The following ERBIN variants were observed in gnomAD, a reference collection of about 807,000 sequenced individuals.
ERBIN encodes the protein densin-180-like protein.
A neutral mutation model predicts 158.4 loss-of-function variants in ERBIN; 60 were observed. That is an observed-to-expected ratio of 0.38 (90% CI 0.31 to 0.47). The LOEUF is 0.47. Among genes scored for constraint, ERBIN ranks in the 20% least tolerant of loss-of-function variants. ERBIN has a pLI of 0.99. For missense variants in ERBIN, 1,610 were observed against 1,648.0 expected, an observed-to-expected ratio of 0.98 and a Z score of 0.40; for synonymous variants, 594 against 557.2, an observed-to-expected ratio of 1.07 and a Z score of -0.93.
intron 21 of ERBIN, chr5:66,068,882 G>C (rs1483183986): frequency 6.5e-7 from 1 of 1,531,902 alleles, no homozygotes; most frequent in East Asian, 2.4e-5. Flanking sequence ...TTCAGAGCAT[G>C]CTGTCAAGGT....
chr5:65,974,320 T>C (rs773480646), intron 1 of ERBIN, among the ~76,000 whole-genome samples: 1 of 152,234 alleles, frequency 6.6e-6, no homozygotes, highest in Non-Finnish European at 1.5e-5. Flanking sequence ...TATTAAACTT[T>C]GCGTCTAAGA....
At chr5:65,957,062 G>A (rs1294904630) in intron 1 of ERBIN, among the ~76,000 whole-genome samples, 2 of 151,970 alleles carry the variant, frequency 1.3e-5, no homozygotes, top group South Asian at 2.1e-4. Flanking sequence ...CACTACTAAG[G>A]TATATTTATT....
At chr5:66,062,836 C>T (rs1219477206) in intron 21 of ERBIN, among the ~76,000 whole-genome samples, 1 of 152,218 alleles carries the variant, frequency 6.6e-6, no homozygotes, top group African/African-American at 2.4e-5. Context: ...GTATCAGCAG[C>T]ACTGGCTGCA....
intron 1 of ERBIN, among the ~76,000 whole-genome samples, chr5:65,934,000 A>C (rs1411329351): frequency 6.6e-6 from 1 of 152,002 alleles, no homozygotes; most frequent in African/African-American, 2.4e-5. Context: ...GATTCACGCC[A>C]GTTCTCCTGC....
intron 1 of ERBIN, among the ~76,000 whole-genome samples, chr5:65,988,225 T>C (rs1561337183): frequency 6.6e-6 from 1 of 152,168 alleles, no homozygotes; most frequent in Non-Finnish European, 1.5e-5. Flanking sequence ...TTTTTAAAAT[T>C]AGCTGCGTAT....
At chr5:66,060,337 T>A (rs13435936) in intron 21 of ERBIN, among the ~76,000 whole-genome samples, 8,797 of 152,140 alleles carry the variant, frequency 0.058, 886 homozygotes, top group African/African-American at 0.2. Flanking sequence ...AGAGGTGTTT[T>A]TAGTTTTCTC....
At chr5:66,013,887 T>TA (rs1754452832) in intron 6 of ERBIN, among the ~76,000 whole-genome samples, 1 of 152,172 alleles carries the variant, frequency 6.6e-6, no homozygotes. Context: ...TCAATGGGGT[T>TA]AATTTCTGTA....
intron 1 of ERBIN, among the ~76,000 whole-genome samples, chr5:65,972,418 A>G (rs908998253): frequency 2.6e-5 from 4 of 151,448 alleles, no homozygotes; most frequent in Admixed American, 6.5e-5. Context: ...ACCTTTGATT[A>G]TATTTCAACA....
intron 1 of ERBIN, among the ~76,000 whole-genome samples, chr5:65,983,115 A>G (rs907531914): frequency 1.3e-5 from 2 of 152,244 alleles, no homozygotes. Context: ...CTACCACTTA[A>G]TTGCACAGTA....
chr5:66,059,025 T>A (rs927313265), intron 21 of ERBIN, among the ~76,000 whole-genome samples: 1 of 152,188 alleles, frequency 6.6e-6, no homozygotes, highest in African/African-American at 2.4e-5. Flanking sequence ...TGCAGGCTCT[T>A]TTTTGGTTCC....
intron 7 of ERBIN, among the ~76,000 whole-genome samples, chr5:66,018,228 A>G (rs1755004076): frequency 6.6e-6 from 1 of 150,382 alleles, no homozygotes. Context: ...CAGTGTTTTG[A>G]TAGGGATGAC....
At chr5:66,014,361 A>G (rs1206014479) in intron 6 of ERBIN, among the ~76,000 whole-genome samples, 2 of 152,122 alleles carry the variant, frequency 1.3e-5, no homozygotes, top group African/African-American at 2.4e-5. Flanking sequence ...TGAATCTACC[A>G]AGAGTTAATT....
At chr5:66,008,276 G>A (rs1235507292) in intron 4 of ERBIN, among the ~76,000 whole-genome samples, 1 of 152,044 alleles carries the variant, frequency 6.6e-6, no homozygotes, top group Non-Finnish European at 1.5e-5. Flanking sequence ...AAAATTAGCC[G>A]GGCGTGGTGG....
At chr5:66,045,200 C>T (rs1367378003) in intron 17 of ERBIN, among the ~76,000 whole-genome samples, 1 of 151,964 alleles carries the variant, frequency 6.6e-6, no homozygotes, top group Non-Finnish European at 1.5e-5. Context: ...GCATGGGTGA[C>T]AGAGCGAGAC....
At position 66,054,159 on chromosome 5, in the gene ERBIN, T is replaced by C. The variant is rs1759343241; in HGVS notation, c.2841T>C (p.Asp947=). ...ISGTKAIFKF[D]SNHNPEEPNI... ...GAACAAAGGCAATTTTCAAGTTTGATTCAAATCATAATCCCGAAGAGCCAA... is the reference window on the plus strand; with the variant it reads ...GAACAAAGGCAATTTTCAAGTTTGACTCAAATCATAATCCCGAAGAGCCAA... The change falls in exon 21 of 26, where the codon GAT becomes GAC. Residue 947 remains aspartate (D), a synonymous_variant. Coordinates refer to ENST00000284037, the MANE Select transcript of ERBIN (RefSeq NM_001253697.2). 5.0e-6 allele frequency: 8 copies of C among 1,614,170 alleles called. No individual in the cohort carries two copies. The highest frequency in any genetic ancestry group is 6.8e-6 in the Non-Finnish European group (8 of 1,180,028).
chr5:65,949,831 T>G (rs1422095558), intron 1 of ERBIN, among the ~76,000 whole-genome samples: 1 of 152,200 alleles, frequency 6.6e-6, no homozygotes, highest in Non-Finnish European at 1.5e-5. Flanking sequence ...TTTTATGTCT[T>G]TTATTTTTTT....
intron 1 of ERBIN, among the ~76,000 whole-genome samples, chr5:65,972,579 A>T (rs747737198): frequency 1.3e-5 from 2 of 151,438 alleles, no homozygotes; most frequent in Non-Finnish European, 2.9e-5. Context: ...TAGAAGCTTA[A>T]ATTTTTGTTT....
At chr5:65,996,595 C>A (rs538488862) in intron 4 of ERBIN, among the ~76,000 whole-genome samples, 1 of 151,936 alleles carries the variant, frequency 6.6e-6, no homozygotes, top group African/African-American at 2.4e-5. Flanking sequence ...TCTTTTTGTT[C>A]ACCGTTGCTT....
At chr5:66,039,773 A>G (rs527838820) in intron 15 of ERBIN, among the ~76,000 whole-genome samples, 1 of 152,022 alleles carries the variant, frequency 6.6e-6, no homozygotes, top group East Asian at 1.9e-4. Flanking sequence ...AAATACATGG[A>G]AGAGAGGTTG....
Sources: allele counts gnomAD v4.1 joint callset (sites outside exome capture counted in the v4.1 genomes callset), GRCh38; gene constraint gnomAD v4.1.1; transcripts MANE v1.5; gene names NCBI Gene and HGNC (gene_info 2026-07-23, HGNC 2026-07-21).